Variants in SLIT1 observed in about 807,000 individuals in gnomAD.
SLIT1 encodes the protein slit homolog 1 protein.
Under a neutral mutation model 186.1 loss-of-function variants are expected in SLIT1, and 66 were observed. The ratio of observed to expected loss-of-function variants is 0.35; its 90% CI spans 0.29 to 0.44. The LOEUF is 0.44. SLIT1 is among the 20% of genes least tolerant of loss of function. The probability of loss-of-function intolerance (pLI) is 1.00; values close to 1 mark genes in which losing one functional copy is unlikely to be tolerated. For missense variants in SLIT1, 1,638 were observed against 2,037.4 expected (o/e 0.80, Z 3.77); for synonymous variants, 761 against 833.8 (o/e 0.91, Z 1.50).
At chr10:97,002,057 G>A (rs929998334) in intron 36 of SLIT1, 101 bp downstream of exon 36, 1 of 733,200 alleles carries the variant, frequency 1.4e-6, no homozygotes. Flanking sequence ...ACAGGGCTGG[G>A]AAGGGACAGA....
intron 1 of SLIT1, among the ~76,000 whole-genome samples, chr10:97,167,512 T>C (rs527956106): frequency 2.6e-5 from 4 of 152,362 alleles, no homozygotes; most frequent in Admixed American, 2.6e-4. Context: ...AGAGTATTGC[T>C]TGGTTGAATT....
At chr10:97,051,337 C>T (rs1475601150) in intron 13 of SLIT1, among the ~76,000 whole-genome samples, 1 of 151,782 alleles carries the variant, frequency 6.6e-6, no homozygotes. Context: ...TCATAATACA[C>T]CACTGGTGGG....
Position 97,037,739 on chromosome 10 carries a change from C to G in SLIT1, c.2325G>C (p.Leu775=). ...ELYLDGNQFT[L]VPGQLSTFKY... is the part of the protein sequence containing the mutation. ...TGAAGGTAGACAGCTGTCCCGGAAC[C>G]AGCGTGAACTGGTTCCCGTCCAAAT... is the stretch of plus-strand genomic sequence containing the variant. Residue 775 remains leucine, a synonymous_variant, in exon 22 of 37, where the codon CTG becomes CTC. Coordinates refer to ENST00000266058, the MANE Select transcript of SLIT1 (RefSeq NM_003061.3). The G allele has an allele frequency of 6.2e-7, 1 of 1,609,234 alleles. No individual in the cohort carries two copies. Among genetic ancestry groups the G allele is most frequent in the African/African-American group, 1.3e-5 (1 of 74,984 alleles).
At chr10:97,176,799 A>T (rs959729405) in intron 1 of SLIT1, among the ~76,000 whole-genome samples, 1 of 152,210 alleles carries the variant, frequency 6.6e-6, no homozygotes, top group Non-Finnish European at 1.5e-5. Context: ...GCCCAGGTTC[A>T]AATCCACAAA....
intron 4 of SLIT1, among the ~76,000 whole-genome samples, chr10:97,096,522 C>T: frequency 6.6e-6 from 1 of 152,196 alleles, no homozygotes; most frequent in South Asian, 2.1e-4. Context: ...TACACTCCCT[C>T]ATGATTATCA....
At chr10:97,170,124 TC>T (rs1360797893) in intron 1 of SLIT1, among the ~76,000 whole-genome samples, 5 of 152,098 alleles carry the variant, frequency 3.3e-5, no homozygotes, top group Non-Finnish European at 5.9e-5. Context: ...TATCGGCGGC[TC>T]CCCCGCCAGG....
intron 4 of SLIT1, among the ~76,000 whole-genome samples, chr10:97,145,212 G>A (rs1270871099): frequency 6.6e-6 from 1 of 152,032 alleles, no homozygotes; most frequent in Non-Finnish European, 1.5e-5. Context: ...TGCGGTCCCG[G>A]GTTCAAGCAA....
chr10:97,032,750 GT>G (rs56926245), intron 23 of SLIT1, among the ~76,000 whole-genome samples: 63,971 of 151,916 alleles, frequency 0.42, 15,818 homozygotes, highest in East Asian at 0.76. Flanking sequence ...CAGCCCCCGT[GT>G]TCCCCAGCAG....
chr10:97,129,285 C>T (rs1046406327), intron 4 of SLIT1, among the ~76,000 whole-genome samples: 1 of 151,718 alleles, frequency 6.6e-6, no homozygotes, highest in Non-Finnish European at 1.5e-5. Context: ...GCCTGTAATC[C>T]CAGCTACTTG....
At position 97,021,455 on chromosome 10, in the gene SLIT1, G is replaced by T; in HGVS notation, c.2583-42C>A. The stretch of plus-strand genomic sequence containing the variant: ...GAGAAGCAGGCATTACAGCTTCATG[G>T]GGTCCCTCGCCCACTGGGAACCTAG... On this transcript the variant is annotated intron_variant, in intron 25 of 36. Transcript: ENST00000266058. This position sits in a 1 kb window ranked among gnomAD's most constrained non-coding sequence, Gnocchi z 4.5. 6.3e-7 allele frequency: 1 copy of T among 1,581,702 alleles called. No individual in the cohort carries two copies. Among genetic ancestry groups the T allele is most frequent in the Non-Finnish European group, 8.6e-7 (1 of 1,160,012 alleles).
intron 3 of SLIT1, among the ~76,000 whole-genome samples, chr10:97,162,829 C>CT (rs1330715651): frequency 1.3e-4 from 20 of 150,578 alleles, no homozygotes; most frequent in Non-Finnish European, 2.4e-4. Flanking sequence ...CACTATGTTT[C>CT]TTTTTTTTTC....
intron 4 of SLIT1, among the ~76,000 whole-genome samples, chr10:97,087,745 A>G (rs1849181301): frequency 6.6e-6 from 1 of 151,706 alleles, no homozygotes; most frequent in Non-Finnish European, 1.5e-5. Context: ...CGAGGCCTCC[A>G]CTCTAAGCTT....
chr10:97,144,784 C>T (rs1344116561), intron 4 of SLIT1, among the ~76,000 whole-genome samples: 1 of 152,168 alleles, frequency 6.6e-6, no homozygotes, highest in African/African-American at 2.4e-5. Flanking sequence ...CCAAGCAATG[C>T]GGCAGGACAG....
chr10:97,091,954 T>C (rs1429903863), intron 4 of SLIT1, among the ~76,000 whole-genome samples: 2 of 152,210 alleles, frequency 1.3e-5, no homozygotes, highest in Non-Finnish European at 2.9e-5. Context: ...CACACACTAG[T>C]AAAGGACAAA....
chr10:97,020,679 A>G (rs1848494887), intron 26 of SLIT1, among the ~76,000 whole-genome samples: 1 of 152,226 alleles, frequency 6.6e-6, no homozygotes. Flanking sequence ...ACCCCTGCAC[A>G]TAAAGCCCGG....
intron 4 of SLIT1, among the ~76,000 whole-genome samples, chr10:97,149,878 C>G (rs1849857008): frequency 6.6e-6 from 1 of 152,168 alleles, no homozygotes; most frequent in Non-Finnish European, 1.5e-5. Context: ...TTGGGAGACG[C>G]AACATTCCAC....
chr10:97,011,106 T>G lies in SLIT1; in HGVS notation c.3228A>C (p.Ala1076=), dbSNP rs946681947. The change falls in exon 31 of 37, where the codon GCA becomes GCC. Residue 1076 remains alanine (A), a synonymous_variant. Transcript: ENST00000266058. ...CCTGGTTCTCACTGCAGTTGTCACCTGCATAACCTGGCATGCACTCACACC... is the reference window on the plus strand; with the variant it reads ...CCTGGTTCTCACTGCAGTTGTCACCGGCATAACCTGGCATGCACTCACACC... ...GPRCECMPGY[A]GDNCSENQDD... The G allele has an allele frequency of 3.1e-6, 5 of 1,613,630 alleles. No individual in the cohort carries two copies. The African/African-American group carries it at 6.7e-5, about 22-fold the overall frequency.
At chr10:97,054,161 G>A (rs1211387820) in intron 13 of SLIT1, among the ~76,000 whole-genome samples, 1 of 151,440 alleles carries the variant, frequency 6.6e-6, no homozygotes, top group Non-Finnish European at 1.5e-5. Context: ...GCATAAGAGT[G>A]GATCCCTCAT....
At chr10:97,050,417 G>A (rs536273205) in intron 13 of SLIT1, among the ~76,000 whole-genome samples, 3 of 152,288 alleles carry the variant, frequency 2.0e-5, no homozygotes, top group Admixed American at 1.3e-4. Context: ...TGGCCCCCCG[G>A]TTGGGAGCTG....
Sources: gnomAD v4.1 joint callset for allele counts (sites outside exome capture counted in the v4.1 genomes callset) on GRCh38, gnomAD v4.1.1 for gene constraint, Gnocchi (gnomAD v3.1) non-coding constraint, MANE v1.5 for transcripts, NCBI Gene and HGNC (gene_info 2026-07-23, HGNC 2026-07-21) for gene names.